MAST2: variants seen among roughly 807,000 people sequenced by gnomAD.
MAST2 encodes the protein microtubule-associated serine/threonine-protein kinase 2.
In MAST2, 70 loss-of-function variants were observed where a neutral mutation model predicts 147.4. That is an observed-to-expected ratio of 0.47 (90% confidence interval 0.39 to 0.58). The LOEUF (loss-of-function observed/expected upper bound fraction) is 0.58. MAST2 is among the 20% of genes least tolerant of loss of function. MAST2 has a pLI of 0.00. For missense variants in MAST2, 2,080 were observed against 2,302.3 expected (o/e 0.90, Z 1.98); for synonymous variants, 869 against 896.8 (o/e 0.97, Z 0.55).
At chr1:45,871,080 T>TAAA (rs5773896) in intron 3 of MAST2, among the ~76,000 whole-genome samples, 2 of 139,454 alleles carry the variant, frequency 1.4e-5, no homozygotes, top group East Asian at 4.1e-4. Context: ...AGGTTTTCTT[T>TAAA]AAAAAAAAAA....
In MAST2 at chr1:46,034,231, A is replaced by C; in HGVS notation, c.3833A>C (p.Gln1278Pro). The C allele has an allele frequency of 6.2e-7, 1 of 1,613,842 alleles. No homozygotes were observed. Among genetic ancestry groups the C allele is most frequent in the Non-Finnish European group, 8.5e-7 (1 of 1,179,888 alleles). The change falls in exon 28 of 29, where the codon CAA becomes CCA. Residue 1278 changes from glutamine to proline, a missense_variant. Transcript: ENST00000361297. ...SHSLSPRSPT[Q>P]GYRVTPDAVH... ...AGCCTTTCCCCCCGATCTCCCACTC[A>C]AGGCTACCGGGTGACCCCCGATGCT...
Position 45,962,320 on chromosome 1 carries a change from G to A in MAST2, c.592+2843G>A, listed in dbSNP as rs540621943. Reference sequence around the variant, plus strand: ...ATGGCTGGGTCAAATGGTATTTCTAGTTCTAGATCCCTGAGGAATCGCCAC... The same window carrying A: ...ATGGCTGGGTCAAATGGTATTTCTAATTCTAGATCCCTGAGGAATCGCCAC... On this transcript the variant is annotated intron_variant, in intron 5 of 28. Coordinates refer to ENST00000361297, the MANE Select transcript of MAST2 (RefSeq NM_015112.3). 2.1e-3 allele frequency among the ~76,000 whole-genome samples: 323 copies of A among 152,058 alleles called. 1 individual carries two copies. The highest frequency in any genetic ancestry group is 2.0e-3 in the Non-Finnish European group (136 of 67,956).
chr1:45,875,190 A>C (rs1451456945), intron 3 of MAST2, among the ~76,000 whole-genome samples: 1 of 152,220 alleles, frequency 6.6e-6, no homozygotes, highest in Non-Finnish European at 1.5e-5. Flanking sequence ...TCACGCCTGT[A>C]ATCCCAGCAC....
chr1:45,805,412 G>A (rs534682603), intron 1 of MAST2, among the ~76,000 whole-genome samples: 1 of 150,444 alleles, frequency 6.6e-6, no homozygotes, highest in Non-Finnish European at 1.5e-5. Context: ...TCCCCACTGA[G>A]CCCTGAGGAG....
chr1:46,031,388 C>A lies in MAST2; in HGVS notation c.2993-3C>A, dbSNP rs759667789. The stretch of plus-strand genomic sequence containing the variant: ...GGGTCTCACTGCTTACTTGGGCCTA[C>A]AGCTATGGAGACCCGAGGCCGTGGG... On this transcript the variant is annotated splice_polypyrimidine_tract_variant and splice_region_variant and intron_variant, in intron 23 of 28. Coordinates refer to ENST00000361297, the MANE Select transcript of MAST2 (RefSeq NM_015112.3). This position sits in a 1 kb window ranked among gnomAD's most constrained non-coding sequence, Gnocchi z 4.1. 1 of 1,609,094 alleles carries A rather than the reference C, an allele frequency of 6.2e-7. No individual in the cohort carries two copies. Among genetic ancestry groups the A allele is most frequent in the South Asian group, 1.1e-5 (1 of 90,586 alleles).
intron 4 of MAST2, among the ~76,000 whole-genome samples, chr1:45,921,283 C>T (rs1478240758): frequency 2.0e-5 from 3 of 152,174 alleles, no homozygotes; most frequent in Non-Finnish European, 4.4e-5. Context: ...TGTGAGCCAC[C>T]GTGCCCAGCC....
At position 45,939,980 on chromosome 1, in the gene MAST2, GT is replaced by G. The variant is rs1174123217; in HGVS notation, c.501-19385del. Among the ~76,000 whole-genome samples the G allele has an allele frequency of 2.1e-3, 206 of 97,292 alleles. 1 individual carries two copies. The highest frequency in any genetic ancestry group is 6.5e-3 in the Middle Eastern group (1 of 154). 63.8% of individuals were successfully genotyped at this position (97,292 alleles called of 152,430 possible). A position where few individuals can be genotyped will look rare whatever the true frequency, so the allele number is the denominator to read the frequency against. The stretch of plus-strand genomic sequence containing the variant: ...AACGGAAGTTCTCTATTTATTTAGG[GT>G]TTTTTTTTTTTTTTTTTTTTGAGAT... On this transcript the variant is annotated intron_variant, in intron 4 of 28. Coordinates refer to ENST00000361297, the MANE Select transcript of MAST2 (RefSeq NM_015112.3).
At chr1:45,925,599 G>A (rs1019280450) in intron 4 of MAST2, among the ~76,000 whole-genome samples, 1 of 152,162 alleles carries the variant, frequency 6.6e-6, no homozygotes, top group African/African-American at 2.4e-5. Flanking sequence ...GAAGTTTGAT[G>A]TTAACAGCTT....
chr1:45,873,659 A>G (rs1277782258), intron 3 of MAST2, among the ~76,000 whole-genome samples: 2 of 152,202 alleles, frequency 1.3e-5, no homozygotes, highest in African/African-American at 2.4e-5. Context: ...TGACTGACCA[A>G]GATTTTATAA....
intron 6 of MAST2, among the ~76,000 whole-genome samples, chr1:46,001,367 G>T (rs1645266941): frequency 6.6e-6 from 1 of 152,200 alleles, no homozygotes. Flanking sequence ...AGAAATTGCT[G>T]CCATGCAGCT....
At chr1:45,982,629 C>G (rs563669150) in intron 5 of MAST2, among the ~76,000 whole-genome samples, 9 of 152,276 alleles carry the variant, frequency 5.9e-5, no homozygotes, top group African/African-American at 1.4e-4. Context: ...CTTTGTGTAT[C>G]CTTTATAATA....
At chr1:45,909,564 G>A (rs1651337879) in intron 4 of MAST2, among the ~76,000 whole-genome samples, 1 of 151,290 alleles carries the variant, frequency 6.6e-6, no homozygotes, top group South Asian at 2.1e-4. Context: ...TCTGTCGCCA[G>A]GCTGGAGTGC....
At chr1:45,947,329 A>T (rs939567687) in intron 4 of MAST2, among the ~76,000 whole-genome samples, 1 of 149,036 alleles carries the variant, frequency 6.7e-6, no homozygotes, top group Non-Finnish European at 1.5e-5. Context: ...AAAAAAAAAA[A>T]AACCCAAACA....
intron 4 of MAST2, among the ~76,000 whole-genome samples, chr1:45,957,361 A>G (rs1381716540): frequency 6.6e-6 from 1 of 152,230 alleles, no homozygotes; most frequent in Non-Finnish European, 1.5e-5. Flanking sequence ...AAATAACAGC[A>G]TATAAGTGGA....
chr1:45,877,030 A>C (rs1646635931), intron 3 of MAST2, among the ~76,000 whole-genome samples: 1 of 152,236 alleles, frequency 6.6e-6, no homozygotes. Flanking sequence ...ATATTACCTT[A>C]GCACATTTTA....
At chr1:45,911,315 A>C (rs1651617416) in intron 4 of MAST2, among the ~76,000 whole-genome samples, 1 of 152,234 alleles carries the variant, frequency 6.6e-6, no homozygotes, top group Non-Finnish European at 1.5e-5. Context: ...GGTCAGATAA[A>C]GGATGTAAAA....
chr1:45,936,892 C>A (rs966057342), intron 4 of MAST2, among the ~76,000 whole-genome samples: 1 of 152,096 alleles, frequency 6.6e-6, no homozygotes, highest in Non-Finnish European at 1.5e-5. Context: ...TTTGAAACAT[C>A]TGACTTGAGT....
At chr1:45,889,023 C>CA (rs1381331680) in intron 4 of MAST2, among the ~76,000 whole-genome samples, 1 of 152,068 alleles carries the variant, frequency 6.6e-6, no homozygotes, top group East Asian at 1.9e-4. Context: ...CAGATAGTCA[C>CA]AGCCATTGTA....
intron 4 of MAST2, among the ~76,000 whole-genome samples, chr1:45,951,432 A>T (rs1021137650): frequency 7.9e-5 from 12 of 151,366 alleles, no homozygotes; most frequent in African/African-American, 2.9e-4. Context: ...AAAATACAAA[A>T]CTTAGTCAGG....
Sources: allele counts gnomAD v4.1 joint callset (sites outside exome capture counted in the v4.1 genomes callset), GRCh38; gene constraint gnomAD v4.1.1; non-coding constraint Gnocchi (gnomAD v3.1); transcripts MANE v1.5; gene names NCBI Gene and HGNC (gene_info 2026-07-23, HGNC 2026-07-21).